SLC9B1: variants seen among roughly 807,000 people sequenced by gnomAD.
SLC9B1 encodes the protein sodium/hydrogen exchanger 9B1.
In SLC9B1, 32 loss-of-function variants were observed where a neutral mutation model predicts 51.7. The observed-to-expected ratio is 0.62, with a 90% CI of 0.47 to 0.83. The LOEUF is 0.83. Among genes scored for constraint, SLC9B1 ranks in the 40% least tolerant of loss-of-function variants. SLC9B1 has a pLI of 0.00. For synonymous variants in SLC9B1, 145 were observed against 212.7 expected (o/e 0.68, Z 2.77); for missense variants, 406 against 613.2 (o/e 0.66, Z 3.57).
At chr4:102,950,813 G>T (rs1006465406) in intron 3 of SLC9B1, among the ~76,000 whole-genome samples, 1 of 152,120 alleles carries the variant, frequency 6.6e-6, no homozygotes, top group African/African-American at 2.4e-5. Flanking sequence ...GACCAACATG[G>T]TGAAACGCTG....
chr4:102,891,436 A>C (rs1734244741), intron 11 of SLC9B1: 1 of 152,258 alleles, frequency 6.6e-6, no homozygotes, highest in Non-Finnish European at 1.5e-5. Context: ...AGGATTCTGC[A>C]TACAACTGTC....
rs905836999 is a variant in SLC9B1 at position 102,885,376 on chromosome 4, T to A, written c.1333-48A>T. 6.2e-6 allele frequency: 10 copies of A among 1,613,986 alleles called. No individual in the cohort carries two copies. The highest frequency in any genetic ancestry group is 5.3e-5 in the African/African-American group (4 of 74,922). On this transcript the variant is annotated intron_variant, in intron 11 of 11. Transcript: ENST00000394789. The stretch of plus-strand genomic sequence containing the variant: ...CGAAAGTAGTGAATGAAATAAACAT[T>A]GAAGATTTGTGTCTTACTAAAGCAG...
chr4:102,975,492 A>G (rs912060515), intron 3 of SLC9B1, among the ~76,000 whole-genome samples: 10 of 150,552 alleles, frequency 6.6e-5, no homozygotes, highest in African/African-American at 9.7e-5. Context: ...TGGTACCTCC[A>G]GGAAAAGGAG....
At chr4:103,002,958 T>C (rs1236772468) in intron 1 of SLC9B1, among the ~76,000 whole-genome samples, 1 of 152,226 alleles carries the variant, frequency 6.6e-6, no homozygotes, top group Non-Finnish European at 1.5e-5. Context: ...TCTGACACCC[T>C]ACTGCTATTT....
chr4:102,979,433 C>T (rs1739238445), intron 3 of SLC9B1, among the ~76,000 whole-genome samples: 1 of 152,130 alleles, frequency 6.6e-6, no homozygotes, highest in African/African-American at 2.4e-5. Flanking sequence ...TTTCTCTTCT[C>T]CAGCCTCTAG....
intron 11 of SLC9B1, chr4:102,891,266 C>G (rs575308152): frequency 6.6e-6 from 1 of 152,244 alleles, no homozygotes; most frequent in South Asian, 2.1e-4. Context: ...TGAATTCTAA[C>G]AAGTTTGGTT....
chr4:102,948,869 C>T (rs2110476187), intron 4 of SLC9B1, among the ~76,000 whole-genome samples: 1 of 152,206 alleles, frequency 6.6e-6, no homozygotes, highest in Middle Eastern at 3.4e-3. Context: ...GTATAGTATT[C>T]ACTATTTGGT....
At chr4:102,996,674 G>T (rs944458918) in intron 1 of SLC9B1, among the ~76,000 whole-genome samples, 2 of 152,064 alleles carry the variant, frequency 1.3e-5, no homozygotes, top group African/African-American at 4.8e-5. Context: ...ACATTGTATT[G>T]CAATGCCACT....
At chr4:103,010,192 A>T (rs571254997) in intron 1 of SLC9B1, among the ~76,000 whole-genome samples, 1 of 152,016 alleles carries the variant, frequency 6.6e-6, no homozygotes, top group Non-Finnish European at 1.5e-5. Context: ...ATAATGAAAA[A>T]AATTTCTTTC....
chr4:102,893,884 G>A (rs1172800269), intron 11 of SLC9B1, among the ~76,000 whole-genome samples: 2 of 152,104 alleles, frequency 1.3e-5, no homozygotes, highest in Non-Finnish European at 2.9e-5. Context: ...GACAGAGCAA[G>A]TCTCCATCTC....
intron 11 of SLC9B1, among the ~76,000 whole-genome samples, chr4:102,901,536 A>G (rs998079058): frequency 6.6e-6 from 1 of 152,338 alleles, no homozygotes; most frequent in East Asian, 1.9e-4. Context: ...GTGACAAATC[A>G]GCAGGCAAAC....
At chr4:102,930,015 C>A (rs1736373795) in intron 7 of SLC9B1, among the ~76,000 whole-genome samples, 1 of 152,154 alleles carries the variant, frequency 6.6e-6, no homozygotes, top group Admixed American at 6.5e-5. Context: ...TTTTCATTCT[C>A]AATTTAATGC....
rs781457008 is a variant in SLC9B1, at chr4:102,946,744, T to C, written c.428A>G (p.Asn143Ser). 1.1e-5 allele frequency: 17 copies of C among 1,609,496 alleles called. No individual in the cohort carries two copies. The highest frequency in any genetic ancestry group is 4.5e-5 in the East Asian group (2 of 44,776). The stretch of plus-strand genomic sequence containing the variant: ...TGTGTTAGGAACATGGACATGTTCA[T>C]TGATGAATGGAACATTCCTAATCGT... ...GFTIRNVPFI[N>S]EHVHVPNTWS... Residue 143 changes from asparagine (N) to serine (S), a missense_variant, in exon 5 of 12, where the codon AAT becomes AGT. This residue lies in a region of SLC9B1 where 250 missense variants were observed against 394.1 expected (regional missense o/e 0.63). Transcript: ENST00000296422.
intron 9 of SLC9B1, among the ~76,000 whole-genome samples, chr4:102,908,268 TAAAC>T (rs371134825): frequency 1.3e-5 from 2 of 152,270 alleles, no homozygotes; most frequent in African/African-American, 4.8e-5. Flanking sequence ...GGTCAATAAA[TAAAC>T]AATTTGGCAA....
chr4:102,993,655 C>T (rs1237553173), intron 1 of SLC9B1, among the ~76,000 whole-genome samples: 1 of 152,216 alleles, frequency 6.6e-6, no homozygotes, highest in African/African-American at 2.4e-5. Context: ...GCTCCAACCC[C>T]ACATTTTTCC....
chr4:102,890,842 A>C (rs1415393976), intron 11 of SLC9B1: 1 of 142,344 alleles, frequency 7.0e-6, no homozygotes, highest in Non-Finnish European at 1.5e-5. Context: ...CCCTATCTTA[A>C]AAAAAAAAAA....
chr4:102,946,117 A>C (rs1202827557), intron 5 of SLC9B1, among the ~76,000 whole-genome samples: 3 of 152,204 alleles, frequency 2.0e-5, no homozygotes, highest in African/African-American at 7.2e-5. Flanking sequence ...ACTTCTCCAT[A>C]GAAGAGCCTC....
At chr4:102,917,071 T>G (rs538701971) in intron 7 of SLC9B1, among the ~76,000 whole-genome samples, 16 of 152,356 alleles carry the variant, frequency 1.1e-4, no homozygotes, top group African/African-American at 3.8e-4. Flanking sequence ...TGGATTTCTT[T>G]TTTATGCACT....
chr4:102,956,768 G>A (rs1178312389), intron 3 of SLC9B1, among the ~76,000 whole-genome samples: 2 of 152,104 alleles, frequency 1.3e-5, no homozygotes, highest in Non-Finnish European at 2.9e-5. Context: ...TTGCTATAAT[G>A]TGTAATTAAA....
Sources: gnomAD v4.1 joint callset for allele counts (sites outside exome capture counted in the v4.1 genomes callset) on GRCh38, gnomAD v4.1.1 for gene constraint, gnomAD v4.1.1 regional missense constraint, MANE v1.5 for transcripts, NCBI Gene and HGNC (gene_info 2026-07-23, HGNC 2026-07-21) for gene names.